ITPK1: variants seen among roughly 807,000 people sequenced by gnomAD.
ITPK1 encodes inositol 1,3,4-trisphosphate 5/6-kinase.
A neutral mutation model predicts 45.3 loss-of-function variants in ITPK1; 21 were observed. The ratio of observed to expected loss-of-function variants is 0.46; its 90% CI spans 0.33 to 0.67. The LOEUF is 0.67. Ranked by LOEUF, ITPK1 falls within the 30% of genes least tolerant of loss-of-function variation. The pLI, the probability that ITPK1 is intolerant of heterozygous loss-of-function variation, is 0.02. For missense variants in ITPK1, 474 were observed against 573.5 expected (o/e 0.83, Z 1.77); for synonymous variants, 258 against 253.6 (o/e 1.02, Z -0.16).
At chr14:93,044,804 A>T (rs1379754566) in intron 3 of ITPK1, among the ~76,000 whole-genome samples, 1 of 152,192 alleles carries the variant, frequency 6.6e-6, no homozygotes, top group Non-Finnish European at 1.5e-5. Flanking sequence ...GAGGAAGAGG[A>T]AGAAGCAAGA....
intron 2 of ITPK1, among the ~76,000 whole-genome samples, chr14:93,107,323 A>T (rs1457145542): frequency 6.6e-6 from 1 of 152,186 alleles, no homozygotes; most frequent in African/African-American, 2.4e-5. Flanking sequence ...AGCAGTAAAT[A>T]AAGCTGCCAA....
chr14:92,979,560 C>G (rs1474674774), intron 5 of ITPK1, among the ~76,000 whole-genome samples: 1 of 152,232 alleles, frequency 6.6e-6, no homozygotes, highest in Admixed American at 6.5e-5. Context: ...ATCATGGAAG[C>G]AGATTTCCCT....
At chr14:93,099,580 G>A (rs951697445) in intron 2 of ITPK1, among the ~76,000 whole-genome samples, 1 of 152,104 alleles carries the variant, frequency 6.6e-6, no homozygotes, top group African/African-American at 2.4e-5. Flanking sequence ...GCTGCTGGGC[G>A]CAGCCAGGAC....
chr14:92,996,577 T>TAA (rs1361588009), intron 4 of ITPK1, among the ~76,000 whole-genome samples: 1 of 142,958 alleles, frequency 7.0e-6, no homozygotes, highest in Admixed American at 7.0e-5. Context: ...AACTTAAATT[T>TAA]AAAAAAAAAA....
intron 2 of ITPK1, among the ~76,000 whole-genome samples, chr14:93,098,887 C>T (rs1892196475): frequency 1.3e-5 from 2 of 152,286 alleles, no homozygotes; most frequent in South Asian, 2.1e-4. Flanking sequence ...TAAGCAGGCC[C>T]GGGGCAAGGG....
intron 3 of ITPK1, among the ~76,000 whole-genome samples, chr14:93,042,547 G>A (rs1437812758): frequency 6.6e-6 from 1 of 152,220 alleles, no homozygotes; most frequent in Admixed American, 6.5e-5. Flanking sequence ...GGACAAGGCA[G>A]AGCTGGACTT....
intron 3 of ITPK1, chr14:93,066,310 GTGTGTGTGTA>G (rs1161539289): frequency 6.7e-6 from 3 of 450,574 alleles, no homozygotes; most frequent in African/African-American, 6.4e-5. Context: ...GCGTGCATGT[GTGTGTGTGTA>G]TGTGTGTGTG....
intron 2 of ITPK1, among the ~76,000 whole-genome samples, chr14:93,110,910 G>A (rs544714844): frequency 6.6e-6 from 1 of 152,298 alleles, no homozygotes; most frequent in African/African-American, 2.4e-5. Context: ...GGCCTCAGGA[G>A]TGGACTCAAG....
rs182103682 is a variant in ITPK1, at chr14:92,963,789, A to G, written c.365-940T>C. 6.0e-4 allele frequency among the ~76,000 whole-genome samples: 91 copies of G among 152,344 alleles called. 1 individual carries two copies. The highest frequency in any genetic ancestry group is 2.0e-3 in the African/African-American group (85 of 41,574). On this transcript the variant is annotated intron_variant, in intron 5 of 10. Transcript: ENST00000267615. The stretch of plus-strand genomic sequence containing the variant: ...TGTATTTGGAATCTCTCTGCTGATG[A>G]TGAAATTACTGGTTTGTTATTATTG...
intron 2 of ITPK1, among the ~76,000 whole-genome samples, chr14:93,083,688 C>T (rs1446701320): frequency 6.6e-6 from 1 of 152,172 alleles, no homozygotes; most frequent in African/African-American, 2.4e-5. Flanking sequence ...CCCAGGATGT[C>T]TCCCCAGGAC....
intron 10 of ITPK1, among the ~76,000 whole-genome samples, chr14:92,945,446 C>A (rs1887636689): frequency 6.6e-6 from 1 of 152,268 alleles, no homozygotes; most frequent in East Asian, 1.9e-4. Flanking sequence ...GGAGGCATTT[C>A]CTGAACGTTT....
At chr14:93,075,384 A>G (rs1377210462) in intron 3 of ITPK1, among the ~76,000 whole-genome samples, 1 of 148,242 alleles carries the variant, frequency 6.7e-6, no homozygotes, top group African/African-American at 2.4e-5. Context: ...AGAAAAATCT[A>G]GTGCAGAACA....
chr14:92,970,042 C>T (rs748557599), intron 5 of ITPK1, among the ~76,000 whole-genome samples: 3 of 152,134 alleles, frequency 2.0e-5, no homozygotes, highest in Non-Finnish European at 4.4e-5. Context: ...GCTGGCCTCC[C>T]GCGTCACACC....
chr14:93,025,137 G>C (rs1888676092), intron 3 of ITPK1, among the ~76,000 whole-genome samples: 1 of 152,160 alleles, frequency 6.6e-6, no homozygotes, highest in Non-Finnish European at 1.5e-5. Context: ...AACCTGTCCA[G>C]GGCTGGAATC....
At chr14:93,019,127 T>C (rs1888340632) in intron 3 of ITPK1, among the ~76,000 whole-genome samples, 1 of 152,058 alleles carries the variant, frequency 6.6e-6, no homozygotes, top group South Asian at 2.1e-4. Flanking sequence ...GCCTGTGGCT[T>C]CGGTGGGTCA....
intron 10 of ITPK1, among the ~76,000 whole-genome samples, chr14:92,943,244 T>C (rs915130814): frequency 1.3e-5 from 2 of 152,206 alleles, no homozygotes; most frequent in Admixed American, 6.5e-5. Flanking sequence ...GGGAGGGCAG[T>C]GATGACGTCC....
At chr14:92,979,572 T>C (rs772643214) in intron 5 of ITPK1, among the ~76,000 whole-genome samples, 1 of 152,166 alleles carries the variant, frequency 6.6e-6, no homozygotes, top group Non-Finnish European at 1.5e-5. Context: ...GATTTCCCTC[T>C]AGCTGTTCAT....
At chr14:93,037,931 A>G (rs561651400) in intron 3 of ITPK1, among the ~76,000 whole-genome samples, 14 of 152,388 alleles carry the variant, frequency 9.2e-5, no homozygotes, top group African/African-American at 3.4e-4. Flanking sequence ...TTTGTATTAC[A>G]TAACGTACTC....
chr14:93,018,481 T>A (rs1249380100), intron 3 of ITPK1, among the ~76,000 whole-genome samples: 1 of 152,054 alleles, frequency 6.6e-6, no homozygotes, highest in East Asian at 1.9e-4. Flanking sequence ...TGTCTTTAAC[T>A]CCTCTTTCTT....
Sources: allele counts gnomAD v4.1 joint callset (sites outside exome capture counted in the v4.1 genomes callset), GRCh38; gene constraint gnomAD v4.1.1; transcripts MANE v1.5; gene names NCBI Gene and HGNC (gene_info 2026-07-23, HGNC 2026-07-21).